The following VPS13B variants were observed in gnomAD, a reference collection of about 807,000 sequenced individuals.
VPS13B encodes intermembrane lipid transfer protein VPS13B.
A neutral mutation model predicts 426.4 loss-of-function variants in VPS13B; 285 were observed. That is an observed-to-expected ratio of 0.67 (90% confidence interval 0.61 to 0.74). The LOEUF (loss-of-function observed/expected upper bound fraction) is 0.74. Ranked by LOEUF, VPS13B falls within the 30% of genes least tolerant of loss-of-function variation. The pLI, the probability that VPS13B is intolerant of heterozygous loss-of-function variation, is 0.00. For synonymous variants in VPS13B, 1,676 were observed against 1,676.4 expected (o/e 1.00, Z 0.01); for missense variants, 4,537 against 4,782.6 (o/e 0.95, Z 1.51).
chr8:99,639,998 T>TAAGAAG (rs1409247144), intron 33 of VPS13B, among the ~76,000 whole-genome samples: 1 of 47,066 alleles, frequency 2.1e-5, no homozygotes, highest in African/African-American at 9.8e-5. Context: ...ATAATAATAA[T>TAAGAAG]AATAATAATA....
rs781048295 is a variant in VPS13B, at chr8:99,511,132, A to G, written c.4253A>G (p.His1418Arg). Residue 1418 changes from histidine (H) to arginine (R), a missense_variant, in exon 29 of 62, where the codon CAT becomes CGT. Coordinates refer to ENST00000357162, the MANE Select transcript of VPS13B (RefSeq NM_152564.5). The part of the protein sequence containing the change: ...VTTTKLLDGT[H>R]QQHGFLSLTY... ...ACTACAAAACTTCTAGATGGCACTCATCAGCAGCATGGATTCCTCTCTCTG... is the reference window on the plus strand; with the variant it reads ...ACTACAAAACTTCTAGATGGCACTCGTCAGCAGCATGGATTCCTCTCTCTG... 1.9e-6 allele frequency: 3 copies of G among 1,613,558 alleles called. No homozygotes were observed. In the South Asian group the frequency reaches 3.3e-5, roughly 18 times the overall value.
chr8:99,491,276 G>C (rs201857533), intron 25 of VPS13B, among the ~76,000 whole-genome samples: 1 of 152,136 alleles, frequency 6.6e-6, no homozygotes, highest in African/African-American at 2.4e-5. Flanking sequence ...TGATCTTTCT[G>C]TCTGGCTGCC....
At chr8:99,423,552 G>A (rs1816503099) in intron 21 of VPS13B, among the ~76,000 whole-genome samples, 1 of 151,834 alleles carries the variant, frequency 6.6e-6, no homozygotes, top group East Asian at 1.9e-4. Flanking sequence ...ATAGATGTGA[G>A]CCACCCACCA....
intron 33 of VPS13B, among the ~76,000 whole-genome samples, chr8:99,631,186 T>C (rs528667696): frequency 5.7e-5 from 8 of 139,826 alleles, no homozygotes; most frequent in African/African-American, 2.1e-4. Context: ...TATGTCTGTC[T>C]TGTTGTTCCA....
At position 99,298,572 on chromosome 8, in the gene VPS13B, G is replaced by A. The variant is rs376792811; in HGVS notation, c.2824+23318G>A. Among the ~76,000 whole-genome samples the A allele has an allele frequency of 2.8e-4, 43 of 152,184 alleles. 1 individual carries two copies. The highest frequency in any genetic ancestry group is 1.2e-3 in the East Asian group (6 of 5,182). ...TGATAGAAAGATTATCTTGGAGATC[G>A]TCAAGATGTCATATAAATAATTCAC... On this transcript the variant is annotated intron_variant, in intron 19 of 61. Transcript: ENST00000357162.
In VPS13B at chr8:99,060,406, C is replaced by T. The variant is rs577678752; in HGVS notation, c.291+21840C>T. ...GGTGGATCACTTGAGGTTAGGAGTT[C>T]GAGACCAGCCTGGTCAACATGGCAA... is the stretch of plus-strand genomic sequence containing the variant. On this transcript the variant is annotated intron_variant, in intron 3 of 61. Coordinates refer to ENST00000357162, the MANE Select transcript of VPS13B (RefSeq NM_152564.5). Among the ~76,000 whole-genome samples the T allele has an allele frequency of 4.7e-4, 72 of 152,046 alleles. 1 individual carries two copies. The highest frequency in any genetic ancestry group is 1.7e-3 in the African/African-American group (69 of 41,488).
chr8:99,406,919 T>C (rs1815364454), intron 21 of VPS13B, among the ~76,000 whole-genome samples: 1 of 152,174 alleles, frequency 6.6e-6, no homozygotes, highest in Non-Finnish European at 1.5e-5. Flanking sequence ...ATGAAGGTGC[T>C]TTCATTTGGA....
At chr8:99,691,247 CTGTGTGTG>C (rs144300139) in intron 35 of VPS13B, among the ~76,000 whole-genome samples, 2,910 of 146,988 alleles carry the variant, frequency 0.02, 100 homozygotes, top group African/African-American at 0.069. Context: ...GTATGGGATA[CTGTGTGTG>C]TGTGTGTGTG....
In VPS13B at chr8:99,344,373, T is replaced by G. The variant is rs570709429; in HGVS notation, c.2825-39835T>G. Among the ~76,000 whole-genome samples the G allele has an allele frequency of 2.0e-5, 3 of 152,298 alleles. No individual in the cohort carries two copies. In the South Asian group the frequency reaches 6.2e-4, roughly 32 times the overall value. On this transcript the variant is annotated intron_variant, in intron 19 of 61. Coordinates refer to ENST00000357162, the MANE Select transcript of VPS13B (RefSeq NM_152564.5). ...TACTAGGAGAAAACATAGGGAAAGCTCCTCAATATTAGTCTAGACAAAGTA... is the reference window on the plus strand; with the variant it reads ...TACTAGGAGAAAACATAGGGAAAGCGCCTCAATATTAGTCTAGACAAAGTA...
At chr8:99,484,781 A>G (rs1291231560) in intron 25 of VPS13B, among the ~76,000 whole-genome samples, 3 of 151,832 alleles carry the variant, frequency 2.0e-5, no homozygotes, top group African/African-American at 7.3e-5. Flanking sequence ...GTAAAGTTAG[A>G]TCAATGCCTT....
At chr8:99,505,723 T>C (rs567254683) in intron 27 of VPS13B, among the ~76,000 whole-genome samples, 1 of 152,252 alleles carries the variant, frequency 6.6e-6, no homozygotes, top group Admixed American at 6.5e-5. Flanking sequence ...AGTCAGCATA[T>C]ATTGTTGGAA....
intron 24 of VPS13B, among the ~76,000 whole-genome samples, chr8:99,480,555 G>T (rs918160288): frequency 1.3e-5 from 2 of 151,992 alleles, no homozygotes; most frequent in Non-Finnish European, 2.9e-5. Flanking sequence ...AATTATGAAG[G>T]ACAAAAGAAT....
chr8:99,379,419 C>T (rs933321628), intron 19 of VPS13B, among the ~76,000 whole-genome samples: 5 of 152,102 alleles, frequency 3.3e-5, no homozygotes, highest in African/African-American at 1.2e-4. Flanking sequence ...ACTAGTTTCA[C>T]AAATTTTCAG....
intron 29 of VPS13B, among the ~76,000 whole-genome samples, chr8:99,518,084 C>T (rs1297449121): frequency 6.6e-6 from 1 of 151,950 alleles, no homozygotes; most frequent in Non-Finnish European, 1.5e-5. Context: ...TTGGCCCTAA[C>T]AGAAACAGAA....
intron 17 of VPS13B, among the ~76,000 whole-genome samples, chr8:99,227,362 C>A (rs1174322208): frequency 1.3e-5 from 2 of 152,038 alleles, no homozygotes; most frequent in Admixed American, 6.6e-5. Context: ...GTTTATTGTA[C>A]TCATTGGAGC....
chr8:99,775,314 T>A (rs889061297), intron 40 of VPS13B, among the ~76,000 whole-genome samples: 1 of 152,194 alleles, frequency 6.6e-6, no homozygotes, highest in Non-Finnish European at 1.5e-5. Flanking sequence ...TGCTTGTCCT[T>A]AGGCTCCTCA....
intron 33 of VPS13B, among the ~76,000 whole-genome samples, chr8:99,620,846 G>A (rs1003662764): frequency 6.6e-6 from 1 of 151,752 alleles, no homozygotes; most frequent in Non-Finnish European, 1.5e-5. Flanking sequence ...AATTAGCCAT[G>A]TGTGGTGGTA....
chr8:99,695,554 G>A (rs1468754329), intron 35 of VPS13B, among the ~76,000 whole-genome samples: 1 of 104,998 alleles, frequency 9.5e-6, no homozygotes, highest in African/African-American at 3.7e-5. Flanking sequence ...GTGGTGGGGT[G>A]GGGGGAGGGG....
chr8:99,859,626 C>T (rs1816728861), intron 57 of VPS13B, 146 bp downstream of exon 57: 5 of 1,068,558 alleles, frequency 4.7e-6, no homozygotes, highest in African/African-American at 1.6e-5. Context: ...GGGTTTGTAA[C>T]AAAGCTCATA....
Sources: gnomAD v4.1 joint callset for allele counts (sites outside exome capture counted in the v4.1 genomes callset) on GRCh38, gnomAD v4.1.1 for gene constraint, MANE v1.5 for transcripts, NCBI Gene and HGNC (gene_info 2026-07-23, HGNC 2026-07-21) for gene names.